The following PDZRN4 variants were observed in gnomAD, a reference collection of about 807,000 sequenced individuals.
PDZRN4 encodes the protein PDZ domain containing ring finger 4, also known as PDZ domain-containing RING finger protein 4.
PDZRN4 carries 70 observed loss-of-function variants against 99.0 expected under a neutral mutation model. The observed-to-expected ratio is 0.71, with a 90% CI of 0.58 to 0.86. PDZRN4 has a LOEUF of 0.86. Among genes scored for constraint, PDZRN4 ranks in the 40% least tolerant of loss-of-function variants. PDZRN4 has a pLI of 0.00. For synonymous variants in PDZRN4, 551 were observed against 501.6 expected (o/e 1.10, Z -1.32); for missense variants, 1,474 against 1,331.2 (o/e 1.11, Z -1.67).
intron 3 of PDZRN4, among the ~76,000 whole-genome samples, chr12:41,464,273 G>A (rs2120544206): frequency 7.0e-6 from 1 of 143,840 alleles, no homozygotes; most frequent in South Asian, 2.4e-4. Context: ...CCCAGTTCTA[G>A]CTTCCTACTG....
intron 3 of PDZRN4, among the ~76,000 whole-genome samples, chr12:41,504,170 G>A (rs903214360): frequency 6.6e-6 from 1 of 152,196 alleles, no homozygotes; most frequent in African/African-American, 2.4e-5. Flanking sequence ...TTGGGTGGCT[G>A]AGGCAGGAGA....
chr12:41,300,668 C>T (rs1177507628), intron 3 of PDZRN4, among the ~76,000 whole-genome samples: 1 of 151,914 alleles, frequency 6.6e-6, no homozygotes, highest in Non-Finnish European at 1.5e-5. Context: ...CAAGTGTTCT[C>T]CCTATTATAT....
chr12:41,207,293 C>T (rs1335631548), intron 3 of PDZRN4, among the ~76,000 whole-genome samples: 1 of 151,580 alleles, frequency 6.6e-6, no homozygotes, highest in Non-Finnish European at 1.5e-5. Context: ...ACTTAATTAA[C>T]CCTAAGATAA....
At chr12:41,551,724 A>G (rs905900278) in intron 5 of PDZRN4, among the ~76,000 whole-genome samples, 8 of 152,150 alleles carry the variant, frequency 5.3e-5, no homozygotes, top group African/African-American at 1.7e-4. Flanking sequence ...TCTTCATCCA[A>G]TTATTTACTA....
intron 3 of PDZRN4, among the ~76,000 whole-genome samples, chr12:41,311,587 T>C (rs561151140): frequency 6.6e-6 from 1 of 152,324 alleles, no homozygotes; most frequent in African/African-American, 2.4e-5. Flanking sequence ...ATGTCTTTAG[T>C]ACTTCAGGGA....
At chr12:41,460,761 C>G (rs367788636) in intron 3 of PDZRN4, among the ~76,000 whole-genome samples, 17 of 152,260 alleles carry the variant, frequency 1.1e-4, no homozygotes, top group Middle Eastern at 6.8e-3. Flanking sequence ...TTACTCAGTT[C>G]CGCTATACTT....
chr12:41,255,558 G>A (rs1205446573), intron 3 of PDZRN4, among the ~76,000 whole-genome samples: 2 of 152,176 alleles, frequency 1.3e-5, no homozygotes, highest in Non-Finnish European at 2.9e-5. Flanking sequence ...GGAGGATGTT[G>A]AGGGAACCTG....
intron 3 of PDZRN4, among the ~76,000 whole-genome samples, chr12:41,433,850 G>A (rs1044109309): frequency 1.3e-5 from 2 of 152,138 alleles, no homozygotes; most frequent in Non-Finnish European, 2.9e-5. Context: ...TTGTAAATTA[G>A]TCTTTTTGAA....
intron 3 of PDZRN4, among the ~76,000 whole-genome samples, chr12:41,213,855 C>G (rs1247244482): frequency 6.6e-6 from 1 of 152,020 alleles, no homozygotes; most frequent in African/African-American, 2.4e-5. Context: ...AATTTCAGCC[C>G]TGCAACCAGC....
At chr12:41,344,626 T>C (rs1472706325) in intron 3 of PDZRN4, among the ~76,000 whole-genome samples, 1 of 151,720 alleles carries the variant, frequency 6.6e-6, no homozygotes, top group East Asian at 1.9e-4. Context: ...GTGAAATGTT[T>C]TTCCTAACAT....
intron 3 of PDZRN4, among the ~76,000 whole-genome samples, chr12:41,339,181 A>G (rs1951797893): frequency 6.6e-6 from 1 of 152,006 alleles, no homozygotes. Context: ...ATTATGCTAC[A>G]GAGTTATGGT....
intron 3 of PDZRN4, among the ~76,000 whole-genome samples, chr12:41,492,830 A>C (rs1937915854): frequency 6.6e-6 from 1 of 152,170 alleles, no homozygotes; most frequent in Non-Finnish European, 1.5e-5. Context: ...ATGAATGAAA[A>C]AGATATAGAC....
chr12:41,519,095 C>T (rs1938450255), intron 5 of PDZRN4, among the ~76,000 whole-genome samples: 1 of 151,660 alleles, frequency 6.6e-6, no homozygotes, highest in Non-Finnish European at 1.5e-5. Context: ...AATATAGGTC[C>T]ATAAGCATAA....
At chr12:41,420,615 G>A (rs1034910960) in intron 3 of PDZRN4, among the ~76,000 whole-genome samples, 17 of 152,004 alleles carry the variant, frequency 1.1e-4, no homozygotes, top group African/African-American at 3.9e-4. Flanking sequence ...TGACCCTACT[G>A]ACAATTCCCT....
chr12:41,335,130 G>A (rs1396662267), intron 3 of PDZRN4, among the ~76,000 whole-genome samples: 2 of 151,972 alleles, frequency 1.3e-5, no homozygotes, highest in African/African-American at 4.8e-5. Flanking sequence ...GCAATATTCT[G>A]GATGGTGACA....
At chr12:41,522,516 TGGCAGCA>T (rs1324983508) in intron 5 of PDZRN4, among the ~76,000 whole-genome samples, 1 of 152,118 alleles carries the variant, frequency 6.6e-6, no homozygotes, top group Non-Finnish European at 1.5e-5. Flanking sequence ...TTCATATAGG[TGGCAGCA>T]CATGTGAATA....
intron 3 of PDZRN4, among the ~76,000 whole-genome samples, chr12:41,326,423 A>G (rs11180827): frequency 0.76 from 115,485 of 152,174 alleles, 47,824 homozygotes; most frequent in Non-Finnish European, 0.92. Context: ...TCCACTAAAT[A>G]AACTTCAAAT....
chr12:41,261,138 T>C (rs924954671), intron 3 of PDZRN4, among the ~76,000 whole-genome samples: 2 of 152,174 alleles, frequency 1.3e-5, no homozygotes, highest in Admixed American at 6.5e-5. Context: ...ATTAGGGATA[T>C]GCAAATTTTC....
At chr12:41,539,185 A>C (rs1288570076) in intron 5 of PDZRN4, among the ~76,000 whole-genome samples, 2 of 151,934 alleles carry the variant, frequency 1.3e-5, no homozygotes, top group Non-Finnish European at 2.9e-5. Flanking sequence ...ATATCTCCTC[A>C]AAATGACTTT....
Sources: gnomAD v4.1 joint callset for allele counts (sites outside exome capture counted in the v4.1 genomes callset) on GRCh38, gnomAD v4.1.1 for gene constraint, MANE v1.5 for transcripts, NCBI Gene and HGNC (gene_info 2026-07-23, HGNC 2026-07-21) for gene names.